Variants in KDM3B observed in about 807,000 individuals in gnomAD.
KDM3B encodes lysine demethylase 3B.
In KDM3B, 10 loss-of-function variants were observed where a neutral mutation model predicts 170.0. The ratio of observed to expected loss-of-function variants is 0.06; its 90% CI spans 0.04 to 0.10. KDM3B has a LOEUF of 0.10. KDM3B is among the 10% of genes least tolerant of loss of function. The probability of loss-of-function intolerance (pLI) is 1.00; values close to 1 mark genes in which losing one functional copy is unlikely to be tolerated. For missense variants in KDM3B, 1,394 were observed against 2,195.2 expected (o/e 0.64, Z 7.29); for synonymous variants, 831 against 834.8 (o/e 1.00, Z 0.08).
intron 2 of KDM3B, chr5:138,374,276 T>A: frequency 2.3e-6 from 1 of 443,266 alleles, no homozygotes; most frequent in Non-Finnish European, 4.5e-6. Context: ...TTGTTGTTGT[T>A]GTTAAGATGG....
chr5:138,395,131 A>G (rs1209968880), intron 9 of KDM3B, among the ~76,000 whole-genome samples: 1 of 152,158 alleles, frequency 6.6e-6, no homozygotes, highest in Non-Finnish European at 1.5e-5. Context: ...TAAATTTGAG[A>G]TGCTTGTTAG....
intron 9 of KDM3B, among the ~76,000 whole-genome samples, chr5:138,396,124 G>A (rs1001108394): frequency 2.0e-5 from 3 of 150,744 alleles, no homozygotes; most frequent in South Asian, 2.1e-4. Flanking sequence ...TTTTTTAGAT[G>A]GAGTCTTGCT....
chr5:138,435,771 G>A lies in KDM3B; in HGVS notation c.*71G>A, dbSNP rs1255755926. The stretch of plus-strand genomic sequence containing the variant: ...ACAACACTTAACAGGGAACGGCAGG[G>A]CTCTTTGCTGGAGCAGAGGCCCTTC... On this transcript the variant is annotated 3_prime_UTR_variant, in exon 24 of 24. Coordinates refer to ENST00000314358, the MANE Select transcript of KDM3B (RefSeq NM_016604.4). 4 of 1,229,938 alleles carry A rather than the reference G, an allele frequency of 3.3e-6. No homozygotes were observed. Among genetic ancestry groups the A allele is most frequent in the Non-Finnish European group, 4.7e-6 (4 of 853,398 alleles). 76.2% of individuals were successfully genotyped at this position (1,229,938 alleles called of 1,614,324 possible).
intron 1 of KDM3B, among the ~76,000 whole-genome samples, chr5:138,354,243 A>G (rs550874090): frequency 1.3e-5 from 2 of 152,178 alleles, no homozygotes; most frequent in South Asian, 2.1e-4. Context: ...TTCATGCTGT[A>G]TAAGAAACGT....
chr5:138,368,396 T>C (rs1465814745), intron 1 of KDM3B, among the ~76,000 whole-genome samples: 1 of 143,714 alleles, frequency 7.0e-6, no homozygotes, highest in Admixed American at 6.9e-5. Flanking sequence ...CCATGCCTGG[T>C]TTTTTTTTTC....
intron 1 of KDM3B, among the ~76,000 whole-genome samples, chr5:138,363,265 A>G (rs1761660173): frequency 6.6e-6 from 1 of 152,154 alleles, no homozygotes. Context: ...TATTAGGCTG[A>G]TGTTCACTTC....
At chr5:138,405,050 T>TC (rs1030393635) in intron 11 of KDM3B, among the ~76,000 whole-genome samples, 1 of 151,348 alleles carries the variant, frequency 6.6e-6, no homozygotes, top group African/African-American at 2.4e-5. Context: ...CTACAAATTT[T>TC]TTTTTTTTTT....
chr5:138,360,233 C>T (rs935178219), intron 1 of KDM3B, among the ~76,000 whole-genome samples: 1 of 152,188 alleles, frequency 6.6e-6, no homozygotes. Flanking sequence ...TCATTACTTA[C>T]AATTCCAAAA....
chr5:138,382,205 T>C (rs944241711), intron 6 of KDM3B, among the ~76,000 whole-genome samples: 6 of 152,028 alleles, frequency 3.9e-5, no homozygotes, highest in African/African-American at 1.5e-4. Flanking sequence ...CCCAGCACTT[T>C]GGGAGGCCGA....
At chr5:138,430,528 ATC>A in intron 22 of KDM3B, 103 bp downstream of exon 22, 1 of 1,020,162 alleles carries the variant, frequency 9.8e-7, no homozygotes, top group African/African-American at 1.6e-5. Flanking sequence ...GATTGGACTG[ATC>A]TCTCTTATGC....
intron 23 of KDM3B, 97 bp downstream of exon 23, chr5:138,431,656 A>AAGGTCTAATTGTGGAGGAGAAAT (rs1710533432): frequency 8.7e-7 from 1 of 1,145,476 alleles, no homozygotes. Flanking sequence ...GTATTCTCCG[A>AAGGTCTAATTGTGGAGGAGAAAT]AGGTCTAATT....
Position 138,418,501 on chromosome 5 carries a change from A to C in KDM3B, c.3436-452A>C, listed in dbSNP as rs568762333. On this transcript the variant is annotated intron_variant, in intron 13 of 23. Transcript: ENST00000314358. Reference sequence around the variant, plus strand: ...GATTAATGCTGAGGGTTCTTGAGATATATTTTCAGTAGAGTTGACTATATA... The same window carrying C: ...GATTAATGCTGAGGGTTCTTGAGATCTATTTTCAGTAGAGTTGACTATATA... Among the ~76,000 whole-genome samples the C allele has an allele frequency of 2.8e-4, 43 of 152,318 alleles. 1 individual carries two copies. In the East Asian group the frequency reaches 7.1e-3, roughly 25 times the overall value.
chr5:138,380,012 T>G (rs1021817165), intron 5 of KDM3B, among the ~76,000 whole-genome samples: 5 of 152,156 alleles, frequency 3.3e-5, no homozygotes, highest in African/African-American at 9.7e-5. Context: ...AGTAGTAGTA[T>G]TATATTCATA....
intron 3 of KDM3B, among the ~76,000 whole-genome samples, chr5:138,375,629 C>T (rs912627442): frequency 2.6e-5 from 4 of 152,124 alleles, no homozygotes; most frequent in East Asian, 1.9e-4. Context: ...CCGCCCGCCT[C>T]GGCCTCCCAA....
chr5:138,353,135 G>T, intron 1 of KDM3B, 148 bp downstream of exon 1: 1 of 657,468 alleles, frequency 1.5e-6, no homozygotes, highest in Non-Finnish European at 2.1e-6. Flanking sequence ...CGGCACCTCC[G>T]CACCCCGAGC....
intron 1 of KDM3B, among the ~76,000 whole-genome samples, chr5:138,361,281 C>G (rs1761602804): frequency 1.3e-5 from 2 of 152,058 alleles, no homozygotes; most frequent in African/African-American, 2.4e-5. Flanking sequence ...TAAAACCTGC[C>G]TGATTAGTAG....
intron 7 of KDM3B, 99 bp downstream of exon 7, chr5:138,386,720 G>A: frequency 6.9e-7 from 1 of 1,456,238 alleles, no homozygotes. Context: ...CAGGGAAGGA[G>A]TATTTCTGAG....
At chr5:138,381,782 G>A (rs1237676778) in intron 6 of KDM3B, 192 bp downstream of exon 6, 2 of 531,022 alleles carry the variant, frequency 3.8e-6, no homozygotes, top group Non-Finnish European at 6.7e-6. Flanking sequence ...CCTAGTTTGA[G>A]CAAACCCTTT....
In KDM3B at chr5:138,419,052, C is replaced by T; in HGVS notation, c.3535C>T (p.Pro1179Ser). The change falls in exon 14 of 24, where the codon CCC becomes TCC. Residue 1179 changes from proline (P) to serine (S), a missense_variant. Transcript: ENST00000314358. The stretch of plus-strand genomic sequence containing the variant: ...AACAACTCCAGAGCCGGACCATGTT[C>T]CCAAAGCCGACAGCACTGACATCAG... Reference protein sequence around the residue: ...PVTTPEPDHVPKADSTDIRSE... With the variant: ...PVTTPEPDHVSKADSTDIRSE... 1 of 1,614,202 alleles carries T rather than the reference C, an allele frequency of 6.2e-7. No homozygotes were observed. The highest frequency in any genetic ancestry group is 2.2e-5 in the East Asian group (1 of 44,886).
Sources: allele counts gnomAD v4.1 joint callset (sites outside exome capture counted in the v4.1 genomes callset), GRCh38; gene constraint gnomAD v4.1.1; transcripts MANE v1.5; gene names NCBI Gene and HGNC (gene_info 2026-07-23, HGNC 2026-07-21).